Variants in PTPRR observed in about 807,000 individuals in gnomAD.
The protein encoded by PTPRR is protein tyrosine phosphatase receptor type R, also known as receptor-type tyrosine-protein phosphatase R.
In PTPRR, 38 loss-of-function variants were observed where a neutral mutation model predicts 77.2. The observed-to-expected ratio is 0.49, with a 90% confidence interval of 0.38 to 0.65. The LOEUF is 0.65. PTPRR is among the 30% of genes least tolerant of loss of function. The pLI is 0.00. For synonymous variants in PTPRR, 299 were observed against 283.1 expected (o/e 1.06, Z -0.57); for missense variants, 744 against 799.2 (o/e 0.93, Z 0.83).
intron 8 of PTPRR, among the ~76,000 whole-genome samples, chr12:70,685,383 C>T (rs1415918031): frequency 6.9e-6 from 1 of 145,002 alleles, no homozygotes; most frequent in African/African-American, 2.5e-5. Flanking sequence ...CAGTGGCTTA[C>T]ACTGTAATCT....
intron 6 of PTPRR, among the ~76,000 whole-genome samples, chr12:70,710,292 G>A (rs1005905656): frequency 6.6e-6 from 1 of 152,106 alleles, no homozygotes; most frequent in African/African-American, 2.4e-5. Context: ...ACAAAAACAA[G>A]CAATGGGAAA....
At chr12:70,911,544 T>G (rs958645884) in intron 1 of PTPRR, among the ~76,000 whole-genome samples, 14 of 152,150 alleles carry the variant, frequency 9.2e-5, no homozygotes, top group African/African-American at 3.1e-4. Context: ...CAAGAGAAAT[T>G]TTTATTTCAC....
chr12:70,839,681 T>C (rs539818882), intron 2 of PTPRR, among the ~76,000 whole-genome samples: 1 of 152,160 alleles, frequency 6.6e-6, no homozygotes, highest in Admixed American at 6.5e-5. Flanking sequence ...TTACCAACTT[T>C]GTGATAAATC....
intron 6 of PTPRR, among the ~76,000 whole-genome samples, chr12:70,724,090 AT>A (rs1170138248): frequency 3.9e-5 from 6 of 152,156 alleles, no homozygotes; most frequent in Non-Finnish European, 7.4e-5. Context: ...AAAAATGACC[AT>A]TTTGGTTATA....
At chr12:70,720,951 G>A (rs189137386) in intron 6 of PTPRR, among the ~76,000 whole-genome samples, 171 of 152,232 alleles carry the variant, frequency 1.1e-3, no homozygotes, top group Admixed American at 2.2e-3. Context: ...ACTGAATAGG[G>A]TTTGCCTATA....
intron 1 of PTPRR, among the ~76,000 whole-genome samples, chr12:70,898,468 C>G (rs1405524831): frequency 6.7e-6 from 1 of 148,660 alleles, no homozygotes; most frequent in Non-Finnish European, 1.5e-5. Flanking sequence ...CTCCTTGATA[C>G]TCTTTATATA....
chr12:70,774,821 A>C (rs1384098584), intron 2 of PTPRR, among the ~76,000 whole-genome samples: 1 of 152,212 alleles, frequency 6.6e-6, no homozygotes, highest in Non-Finnish European at 1.5e-5. Context: ...TAAAAAATAT[A>C]TGACTTTATA....
chr12:70,684,705 C>A lies in PTPRR; in HGVS notation c.1358G>T (p.Arg453Met). The A allele has an allele frequency of 1.3e-6, 2 of 1,577,432 alleles. No individual in the cohort carries two copies. Among genetic ancestry groups the A allele is most frequent in the Non-Finnish European group, 1.7e-6 (2 of 1,153,290 alleles). The change falls in exon 9 of 14, where the codon AGG becomes ATG. Residue 453 changes from arginine to methionine, a missense_variant and splice_region_variant. Arg to Met is a moderately conservative substitution (Grantham distance 91, BLOSUM62 -1). Around this residue, in one of 3 missense-constraint regions of PTPRR, gnomAD observed 570 missense variants for 573.2 expected, o/e 0.99. Coordinates refer to ENST00000283228, the MANE Select transcript of PTPRR (RefSeq NM_002849.4). ...AGAAATTTGTACTTATTTACTTACC[C>A]TAATATAATTAGCATTAATGTAGGT... is the stretch of plus-strand genomic sequence containing the variant. The part of the protein sequence containing the change: ...LSTYINANYI[R>M]GYSGKEKAFI...
intron 13 of PTPRR, among the ~76,000 whole-genome samples, chr12:70,653,296 C>T (rs1223091215): frequency 1.3e-5 from 2 of 152,126 alleles, no homozygotes; most frequent in Non-Finnish European, 2.9e-5. Context: ...AGTGAAGCAA[C>T]TGATCCTATT....
At chr12:70,900,772 AT>A in intron 1 of PTPRR, among the ~76,000 whole-genome samples, 1 of 151,770 alleles carries the variant, frequency 6.6e-6, no homozygotes, top group South Asian at 2.1e-4. Context: ...AAATGAAAAT[AT>A]GCTCAGCATC....
At chr12:70,877,069 C>T (rs969417995) in intron 2 of PTPRR, among the ~76,000 whole-genome samples, 1 of 152,134 alleles carries the variant, frequency 6.6e-6, no homozygotes. Flanking sequence ...TAGTAAGCAG[C>T]CAGCTTTCCA....
intron 6 of PTPRR, among the ~76,000 whole-genome samples, chr12:70,740,547 T>C (rs73341048): frequency 0.048 from 7,350 of 152,190 alleles, 608 homozygotes; most frequent in African/African-American, 0.17. Flanking sequence ...TAATATGTTC[T>C]TCTTTTTATA....
chr12:70,887,518 G>A (rs1017618184), intron 2 of PTPRR, among the ~76,000 whole-genome samples: 29 of 152,076 alleles, frequency 1.9e-4, no homozygotes, highest in African/African-American at 6.5e-4. Context: ...GTAAAAAAAT[G>A]CAATAAGAAA....
chr12:70,673,046 A>AAAG, intron 10 of PTPRR: 3 of 843,894 alleles, frequency 3.6e-6, no homozygotes, highest in Non-Finnish European at 4.4e-6. Flanking sequence ...AAAAAAAAAA[A>AAAG]AAAGAAAGAA....
intron 6 of PTPRR, among the ~76,000 whole-genome samples, chr12:70,731,725 C>T (rs144720836): frequency 5.3e-5 from 8 of 152,106 alleles, no homozygotes; most frequent in African/African-American, 9.7e-5. Flanking sequence ...CTGAAATAGA[C>T]GAATATGTCT....
chr12:70,867,777 C>G (rs1024279303), intron 2 of PTPRR, among the ~76,000 whole-genome samples: 42 of 152,326 alleles, frequency 2.8e-4, no homozygotes, highest in African/African-American at 9.9e-4. Context: ...CGCTACCTGA[C>G]TTCAAACTAT....
At chr12:70,705,136 T>C (rs1417497174) in intron 6 of PTPRR, among the ~76,000 whole-genome samples, 2 of 152,096 alleles carry the variant, frequency 1.3e-5, no homozygotes, top group Admixed American at 1.3e-4. Context: ...AAAATATGTA[T>C]AAATATTATG....
chr12:70,725,580 T>C (rs1889403217), intron 6 of PTPRR, among the ~76,000 whole-genome samples: 1 of 152,056 alleles, frequency 6.6e-6, no homozygotes, highest in South Asian at 2.1e-4. Context: ...CAGTTATTGA[T>C]TTGGGGACTG....
chr12:70,812,905 C>A (rs1386859859), intron 2 of PTPRR, among the ~76,000 whole-genome samples: 1 of 152,204 alleles, frequency 6.6e-6, no homozygotes, highest in African/African-American at 2.4e-5. Context: ...GCCATAAAAT[C>A]AGCCCCCAGT....
Sources: allele counts gnomAD v4.1 joint callset (sites outside exome capture counted in the v4.1 genomes callset), GRCh38; gene constraint gnomAD v4.1.1; regional missense constraint gnomAD v4.1.1; transcripts MANE v1.5; gene names NCBI Gene and HGNC (gene_info 2026-07-23, HGNC 2026-07-21).